The following NRXN1 variants were observed in gnomAD, a reference collection of about 807,000 sequenced individuals.
The protein encoded by NRXN1 is neurexin-1.
Under a neutral mutation model 150.9 loss-of-function variants are expected in NRXN1, and 39 were observed. That is an observed-to-expected ratio of 0.26 (90% CI 0.20 to 0.34). NRXN1 has a LOEUF of 0.34. Ranked by LOEUF, NRXN1 falls within the 10% of genes least tolerant of loss-of-function variation. NRXN1 has a pLI of 1.00. For synonymous variants in NRXN1, 924 were observed against 757.0 expected, an observed-to-expected ratio of 1.22 and a Z score of -3.62; for missense variants, 1,815 against 1,949.9, an observed-to-expected ratio of 0.93 and a Z score of 1.30.
intron 17 of NRXN1, among the ~76,000 whole-genome samples, chr2:50,316,265 C>T (rs1308994378): frequency 1.3e-5 from 2 of 151,952 alleles, no homozygotes; most frequent in African/African-American, 4.8e-5. Context: ...AAGACATTTC[C>T]ATTCCAACTG....
At chr2:50,139,195 G>A (rs940274053) in intron 18 of NRXN1, among the ~76,000 whole-genome samples, 2 of 151,916 alleles carry the variant, frequency 1.3e-5, no homozygotes, top group African/African-American at 2.4e-5. Flanking sequence ...GCGTGGTGGC[G>A]TGTGCCAGTA....
intron 17 of NRXN1, among the ~76,000 whole-genome samples, chr2:50,410,359 T>G (rs574203699): frequency 6.6e-6 from 1 of 152,258 alleles, no homozygotes; most frequent in East Asian, 1.9e-4. Context: ...AAAACACACA[T>G]GTGATACTTA....
chr2:50,765,547 T>C (rs1702286409), intron 5 of NRXN1, among the ~76,000 whole-genome samples: 1 of 152,080 alleles, frequency 6.6e-6, no homozygotes, highest in Non-Finnish European at 1.5e-5. Context: ...CGTAGGCTAG[T>C]GAGCCATGTG....
chr2:50,011,827 G>C lies in NRXN1; in HGVS notation c.4128+41444C>G, dbSNP rs370345063. Among the ~76,000 whole-genome samples, 355 of 152,168 alleles carry C rather than the reference G, an allele frequency of 2.3e-3. 1 individual carries two copies. The highest frequency in any genetic ancestry group is 3.5e-3 in the Non-Finnish European group (239 of 67,952). On this transcript the variant is annotated intron_variant, in intron 21 of 22. Transcript: ENST00000401669. ...AAAGAATCATAGAAAATTGGAGATA[G>C]GTGGATGTTAAGCACATTTTATTTT...
intron 8 of NRXN1, chr2:50,589,182 C>T (rs2103775791): frequency 6.6e-6 from 1 of 152,490 alleles, no homozygotes; most frequent in Admixed American, 6.6e-5. Context: ...GCGGCCAGGA[C>T]TGGAAGGGAG....
chr2:50,400,813 G>T (rs2082343766), intron 17 of NRXN1, among the ~76,000 whole-genome samples: 1 of 152,166 alleles, frequency 6.6e-6, no homozygotes, highest in Admixed American at 6.5e-5. Flanking sequence ...ATTTTTATAA[G>T]ATTTGGTAGA....
intron 17 of NRXN1, among the ~76,000 whole-genome samples, chr2:50,459,003 T>C (rs2087885558): frequency 6.6e-6 from 1 of 152,142 alleles, no homozygotes; most frequent in South Asian, 2.1e-4. Flanking sequence ...TACATATTAA[T>C]TATGATATTA....
chr2:50,831,735 CAA>C (rs1339808533), intron 5 of NRXN1, among the ~76,000 whole-genome samples: 1 of 152,166 alleles, frequency 6.6e-6, no homozygotes, highest in African/African-American at 2.4e-5. Context: ...AGCCTTGTAA[CAA>C]GAGAGCATTC....
At chr2:50,956,733 A>G (rs1692343623) in intron 2 of NRXN1, among the ~76,000 whole-genome samples, 1 of 151,548 alleles carries the variant, frequency 6.6e-6, no homozygotes, top group Non-Finnish European at 1.5e-5. Flanking sequence ...TATAATAATA[A>G]TAATAATAAA....
intron 17 of NRXN1, among the ~76,000 whole-genome samples, chr2:50,420,772 A>C (rs2083922006): frequency 1.3e-5 from 2 of 152,104 alleles, no homozygotes; most frequent in Non-Finnish European, 2.9e-5. Context: ...AGAATTCTCA[A>C]CCATATAACC....
At chr2:50,905,666 T>C (rs1013419480) in intron 5 of NRXN1, among the ~76,000 whole-genome samples, 3 of 152,108 alleles carry the variant, frequency 2.0e-5, no homozygotes, top group African/African-American at 7.2e-5. Context: ...TTCTCATCTC[T>C]TCCCTGTCAG....
At chr2:50,660,988 T>C (rs1281264337) in intron 5 of NRXN1, among the ~76,000 whole-genome samples, 2 of 152,060 alleles carry the variant, frequency 1.3e-5, no homozygotes, top group African/African-American at 4.8e-5. Flanking sequence ...CTTTGTGTAG[T>C]ATGAAATTGT....
At chr2:50,029,761 T>A (rs113109625) in intron 21 of NRXN1, among the ~76,000 whole-genome samples, 3 of 152,156 alleles carry the variant, frequency 2.0e-5, no homozygotes, top group African/African-American at 7.2e-5. Context: ...GTAGGGCACA[T>A]TGGGCTCTGA....
chr2:50,935,429 A>G (rs1688386993), intron 2 of NRXN1, among the ~76,000 whole-genome samples: 1 of 152,120 alleles, frequency 6.6e-6, no homozygotes, highest in African/African-American at 2.4e-5. Flanking sequence ...CTGAGTAGGG[A>G]GAATAGAAAA....
In NRXN1 at chr2:50,132,358, T is replaced by C. The variant is rs545938113; in HGVS notation, c.3547-40864A>G. Among the ~76,000 whole-genome samples, 3 of 148,166 alleles carry C rather than the reference T, an allele frequency of 2.0e-5. No individual in the cohort carries two copies. The East Asian group carries it at 6.0e-4, about 29-fold the overall frequency. On this transcript the variant is annotated intron_variant, in intron 18 of 22. Transcript: ENST00000401669. ...TCTTGCTCTGTCGCCCAGGCTGGAG[T>C]GCAGTGGCACAATCTTGGCTCACTG... is the stretch of plus-strand genomic sequence containing the variant.
At chr2:50,871,748 A>G (rs1372367745) in intron 5 of NRXN1, among the ~76,000 whole-genome samples, 2 of 151,848 alleles carry the variant, frequency 1.3e-5, no homozygotes, top group East Asian at 3.9e-4. Flanking sequence ...GATGAATGGT[A>G]TAGAAGGATT....
At chr2:50,235,597 T>C (rs973104770) in intron 18 of NRXN1, among the ~76,000 whole-genome samples, 1 of 152,128 alleles carries the variant, frequency 6.6e-6, no homozygotes, top group African/African-American at 2.4e-5. Context: ...TTTGTGCTAA[T>C]GTACTTTGGT....
At chr2:50,122,269 G>A (rs1360588884) in intron 18 of NRXN1, among the ~76,000 whole-genome samples, 2 of 152,176 alleles carry the variant, frequency 1.3e-5, no homozygotes, top group African/African-American at 4.8e-5. Context: ...AGGTGATAAG[G>A]GAGAAACTGA....
intron 18 of NRXN1, among the ~76,000 whole-genome samples, chr2:50,166,379 T>G (rs2059691342): frequency 6.6e-6 from 1 of 150,876 alleles, no homozygotes; most frequent in Admixed American, 6.6e-5. Context: ...GCCCTCCAGC[T>G]GACAACCAGC....
Sources: gnomAD v4.1 joint callset for allele counts (sites outside exome capture counted in the v4.1 genomes callset) on GRCh38, gnomAD v4.1.1 for gene constraint, MANE v1.5 for transcripts, NCBI Gene and HGNC (gene_info 2026-07-23, HGNC 2026-07-21) for gene names.